Variants in IQANK1 observed in about 807,000 individuals in gnomAD.
IQANK1 encodes the protein IQ motif and ankyrin repeat domain-containing protein 1.
Under a neutral mutation model 22.6 loss-of-function variants are expected in IQANK1, and 30 were observed. The observed-to-expected ratio is 1.33, with a 90% CI of 0.99 to 1.80. The LOEUF (loss-of-function observed/expected upper bound fraction) is 1.80, where lower values mean the gene tolerates loss of function less well. IQANK1 is among the 40% of genes most tolerant of loss of function. IQANK1 has a pLI of 0.00. For synonymous variants in IQANK1, 122 were observed against 99.6 expected (o/e 1.23, Z -1.34); for missense variants, 275 against 235.2 (o/e 1.17, Z -1.11).
At chr8:143,742,857 C>T (rs1239884053) in intron 3 of IQANK1, 2 of 456,022 alleles carry the variant, frequency 4.4e-6, no homozygotes, top group Non-Finnish European at 8.8e-6. Context: ...GTGCTGCTGT[C>T]ACGGTGCTAA....
chr8:143,778,327 C>T (rs187628857), intron 7 of IQANK1, among the ~76,000 whole-genome samples: 2 of 151,896 alleles, frequency 1.3e-5, no homozygotes, highest in Non-Finnish European at 2.9e-5. Flanking sequence ...AACAAATATG[C>T]CAAGATAACA....
At position 143,790,595 on chromosome 8, in the gene IQANK1, G is replaced by A; in HGVS notation, c.1670G>A (p.Gly557Asp). 1 of 398,872 alleles carries A rather than the reference G, an allele frequency of 2.5e-6. No individual in the cohort carries two copies. Among genetic ancestry groups the A allele is most frequent in the Non-Finnish European group, 4.4e-6 (1 of 226,100 alleles). 24.7% of individuals were successfully genotyped at this position (398,872 alleles called of 1,614,324 possible). The change falls in exon 14 of 14, where the codon GGC becomes GAC. Residue 557 changes from glycine (G) to aspartate (D), a missense_variant. Transcript: ENST00000527139. The part of the protein sequence containing the change: ...VLLPVRVQLP[G>D]TGL ...CTCCCAGTGCGCGTGCAGCTGCCAGGCACAGGCCTCTAGTGCTGGCCCCAG... is the reference window on the plus strand; with the variant it reads ...CTCCCAGTGCGCGTGCAGCTGCCAGACACAGGCCTCTAGTGCTGGCCCCAG...
intron 3 of IQANK1, among the ~76,000 whole-genome samples, chr8:143,764,609 A>G (rs1819453567): frequency 6.6e-6 from 1 of 152,122 alleles, no homozygotes; most frequent in African/African-American, 2.4e-5. Context: ...TTCTAAAAAA[A>G]CCAAACAAAA....
At position 143,735,858 on chromosome 8, in the gene IQANK1, A is replaced by G. The variant is rs1818723209; in HGVS notation, c.5A>G (p.Asp2Gly). 1 of 702,396 alleles carries G rather than the reference A, an allele frequency of 1.4e-6. No homozygotes were observed. The highest frequency in any genetic ancestry group is 2.6e-6 in the Non-Finnish European group (1 of 384,886). 43.5% of individuals were successfully genotyped at this position (702,396 alleles called of 1,614,324 possible). A position where few individuals can be genotyped will look rare whatever the true frequency, so the allele number is the denominator to read the frequency against. Residue 2 changes from aspartate (D) to glycine (G), a missense_variant, in exon 2 of 14, where the codon GAC (aspartate) becomes GGC (glycine). Transcript: ENST00000527139. This position sits in a 1 kb window ranked among gnomAD's most constrained non-coding sequence, Gnocchi z 5.2. ...CCCTACCCACCCCCCAGGAGAATGG[A>G]CAGTAAGAAGGGGAGACCCAAAGCT... MDSKKGRPKAAA... is the reference protein window; with the variant it reads MGSKKGRPKAAA...
intron 3 of IQANK1, among the ~76,000 whole-genome samples, chr8:143,741,583 C>G (rs1232634700): frequency 2.0e-5 from 3 of 152,214 alleles, no homozygotes; most frequent in Admixed American, 2.0e-4. Context: ...GACTGTGTCC[C>G]TTGAGAGCAG....
rs572143258 is a variant in IQANK1 at position 143,750,966 on chromosome 8, G to GTT, written c.175+11024_175+11025dup. On this transcript the variant is annotated intron_variant, in intron 3 of 13. Transcript: ENST00000527139. ...CTTTTGTGTGTGTGTGTGTGTGTGT[G>GTT]TTTTTTTGTAGTGAAATGTTTCAAT... Among the ~76,000 whole-genome samples the GTT allele has an allele frequency of 3.8e-3, 575 of 150,686 alleles. 1 individual carries two copies. Among genetic ancestry groups the GTT allele is most frequent in the African/African-American group, 6.5e-3 (266 of 41,012 alleles).
rs182689767 is a variant in IQANK1 at position 143,779,432 on chromosome 8, A to G, written c.789+6950A>G. Among the ~76,000 whole-genome samples the G allele has an allele frequency of 1.9e-4, 29 of 152,320 alleles. No homozygotes were observed. In the East Asian group the frequency reaches 4.8e-3, roughly 25 times the overall value. On this transcript the variant is annotated intron_variant, in intron 7 of 13. Coordinates refer to ENST00000527139, the MANE Select transcript of IQANK1 (RefSeq NM_001381874.1). ...ATCAATTCATCCATCCAGTTGCTCA[A>G]CTAACCATTTGCTTATCTCACGTAT...
At chr8:143,743,704 C>T (rs1432796336) in intron 3 of IQANK1, among the ~76,000 whole-genome samples, 1 of 152,212 alleles carries the variant, frequency 6.6e-6, no homozygotes, top group African/African-American at 2.4e-5. Context: ...GTGACTGAAA[C>T]GGCATCTGCC....
chr8:143,753,458 CTT>C (rs1343991267), intron 3 of IQANK1, among the ~76,000 whole-genome samples: 7 of 130,368 alleles, frequency 5.4e-5, no homozygotes, highest in Admixed American at 7.7e-5. Flanking sequence ...GGGAAAGTTT[CTT>C]TTTTTTTTTT....
rs1162757109 is a variant in IQANK1 at position 143,771,553 on chromosome 8, G to A, written c.241G>A (p.Glu81Lys). The change falls in exon 4 of 14, where the codon GAG becomes AAG. Residue 81 changes from glutamate (E) to lysine (K), a missense_variant. Coordinates refer to ENST00000527139, the MANE Select transcript of IQANK1 (RefSeq NM_001381874.1). This position sits in a 1 kb window ranked among gnomAD's most constrained non-coding sequence, Gnocchi z 6.0. ...CTTCCGGCAGCTCCGGGCCAGGAGG[G>A]AGCTCGCCCGCCGCCGGGAGGAGCG... ...GAFRQLRARR[E>K]LARRREERRE... The A allele has an allele frequency of 5.0e-6, 2 of 398,180 alleles. No homozygotes were observed. Among genetic ancestry groups the A allele is most frequent in the African/African-American group, 4.1e-5 (2 of 48,598 alleles). 24.7% of individuals were successfully genotyped at this position (398,180 alleles called of 1,614,324 possible). A position where few individuals can be genotyped will look rare whatever the true frequency, so the allele number is the denominator to read the frequency against.
chr8:143,773,394 G>A (rs1414959880), intron 7 of IQANK1, among the ~76,000 whole-genome samples: 1 of 152,104 alleles, frequency 6.6e-6, no homozygotes, highest in Non-Finnish European at 1.5e-5. Flanking sequence ...CCAGGCCCAG[G>A]AGTGGGGTGG....
chr8:143,781,063 A>G (rs7459802), intron 7 of IQANK1, among the ~76,000 whole-genome samples: 3,536 of 152,078 alleles, frequency 0.023, 153 homozygotes, highest in African/African-American at 0.08. Flanking sequence ...TTTGATTTGC[A>G]TTTCTCTGAT....
At position 143,789,048 on chromosome 8, in the gene IQANK1, C is replaced by T. The variant is rs1329416160; in HGVS notation, c.923C>T (p.Ala308Val). ...GCCCAGAGGCACAAGGAGGCCGAGG[C>T]TGAGCGGTGTGGAAGGCAGGAGGGG... ...QEAQRHKEAE[A>V]ERCGSMTLKV... Residue 308 changes from alanine (A) to valine (V), a missense_variant, in exon 8 of 14, where the codon GCT becomes GTT. Coordinates refer to ENST00000527139, the MANE Select transcript of IQANK1 (RefSeq NM_001381874.1). 5.0e-6 allele frequency: 2 copies of T among 400,638 alleles called. No individual in the cohort carries two copies. The highest frequency in any genetic ancestry group is 2.1e-5 in the African/African-American group (1 of 48,618). The allele number at this position is 400,638 out of a possible 1,614,324, so 24.8% of individuals were successfully genotyped here.
intron 3 of IQANK1, chr8:143,743,056 C>G (rs980548798): frequency 1.9e-4 from 85 of 456,024 alleles, no homozygotes; most frequent in Middle Eastern, 1.3e-3. Context: ...GTGCCTGTGT[C>G]CCGTTGCTGC....
intron 7 of IQANK1, among the ~76,000 whole-genome samples, chr8:143,787,736 T>C (rs1259226465): frequency 6.6e-6 from 1 of 150,558 alleles, no homozygotes; most frequent in Non-Finnish European, 1.5e-5. Context: ...CGCCGGCGGC[T>C]CACCCGCGCA....
chr8:143,771,718 C>T lies in IQANK1; in HGVS notation c.307-83C>T. Reference sequence around the variant, plus strand: ...GTGGGGGTGAGGCTCAGATCGGGCTCCGACCTCAGAGGCGTGGACCGTGGC... The same window carrying T: ...GTGGGGGTGAGGCTCAGATCGGGCTTCGACCTCAGAGGCGTGGACCGTGGC... On this transcript the variant is annotated intron_variant, in intron 4 of 13. Coordinates refer to ENST00000527139, the MANE Select transcript of IQANK1 (RefSeq NM_001381874.1). This position sits in a 1 kb window ranked among gnomAD's most constrained non-coding sequence, Gnocchi z 6.0. 2.5e-6 allele frequency: 1 copy of T among 396,900 alleles called. No individual in the cohort carries two copies. The highest frequency in any genetic ancestry group is 4.4e-6 in the Non-Finnish European group (1 of 225,288). The allele number at this position is 396,900 out of a possible 1,614,324, so 24.6% of individuals were successfully genotyped here.
intron 3 of IQANK1, among the ~76,000 whole-genome samples, chr8:143,749,348 TAA>T (rs1554627734): frequency 7.9e-6 from 1 of 125,956 alleles, no homozygotes; most frequent in African/African-American, 3.1e-5. Flanking sequence ...TATAAAAACA[TAA>T]ATATATAAAA....
chr8:143,768,130 G>A (rs910230392), intron 3 of IQANK1, among the ~76,000 whole-genome samples: 28 of 151,758 alleles, frequency 1.8e-4, no homozygotes, highest in African/African-American at 6.8e-4. Context: ...TGACCCACCT[G>A]CCTCGGACTC....
chr8:143,743,026 C>T (rs1554626819), intron 3 of IQANK1: 1 of 455,992 alleles, frequency 2.2e-6, no homozygotes, highest in Non-Finnish European at 4.4e-6. Flanking sequence ...ATTGAGATGC[C>T]CAGGAGATGG....
Sources: allele counts gnomAD v4.1 joint callset (sites outside exome capture counted in the v4.1 genomes callset), GRCh38; gene constraint gnomAD v4.1.1; non-coding constraint Gnocchi (gnomAD v3.1); transcripts MANE v1.5; gene names NCBI Gene and HGNC (gene_info 2026-07-23, HGNC 2026-07-21).